TRIM54: variants seen among roughly 807,000 people sequenced by gnomAD.
The protein encoded by TRIM54 is tripartite motif containing 54.
In TRIM54, 40 loss-of-function variants were observed where a neutral mutation model predicts 42.0. The ratio of observed to expected loss-of-function variants is 0.95; its 90% confidence interval spans 0.74 to 1.24. The LOEUF is 1.24. TRIM54 is among the 50% of genes most tolerant of loss of function. The pLI is 0.00. For missense variants in TRIM54, 485 were observed against 480.3 expected (o/e 1.01, Z -0.09); for synonymous variants, 199 against 194.9 (o/e 1.02, Z -0.17).
At chr2:27,304,889 C>A in intron 3 of TRIM54, 70 bp from the exon 4 acceptor site, 1 of 1,443,218 alleles carries the variant, frequency 6.9e-7, no homozygotes, top group South Asian at 1.2e-5. Context: ...CCTAGGCAAC[C>A]CTGGCTGGGG....
chr2:27,283,774 ACACACGCGCG>A (rs1391892264), intron 1 of TRIM54, among the ~76,000 whole-genome samples: 61 of 87,322 alleles, frequency 7.0e-4, no homozygotes, highest in African/African-American at 3.7e-3. Context: ...GCACACACAC[ACACACGCGCG>A]CACACACACA....
rs1456415939 is a variant in TRIM54, at chr2:27,306,386, TG to T, written c.991+55del. 2.5e-6 allele frequency: 4 copies of T among 1,613,498 alleles called. No individual in the cohort carries two copies. Among genetic ancestry groups the T allele is most frequent in the Middle Eastern group, 1.6e-4 (1 of 6,062 alleles). On this transcript the variant is annotated intron_variant, in intron 7 of 8. Coordinates refer to ENST00000380075, the MANE Select transcript of TRIM54 (RefSeq NM_187841.3). This position sits in a 1 kb window ranked among gnomAD's most constrained non-coding sequence, Gnocchi z 6.1. ...CTGAGACGGGTTCGGACCCTCTGTG[TG>T]GGGGGTGCGGCGGGCACGATGGCCG...
intron 3 of TRIM54, among the ~76,000 whole-genome samples, chr2:27,300,423 T>C (rs1413423290): frequency 1.3e-5 from 2 of 152,076 alleles, no homozygotes; most frequent in African/African-American, 4.8e-5. Flanking sequence ...TCCACCCACC[T>C]TGGCCTCCCA....
intron 1 of TRIM54, among the ~76,000 whole-genome samples, chr2:27,294,000 C>T (rs922134477): frequency 6.6e-6 from 1 of 152,070 alleles, no homozygotes; most frequent in African/African-American, 2.4e-5. Flanking sequence ...TCCAGCCCGA[C>T]GACAGAGTGA....
At chr2:27,288,150 C>T (rs1678629209) in intron 1 of TRIM54, among the ~76,000 whole-genome samples, 1 of 152,196 alleles carries the variant, frequency 6.6e-6, no homozygotes, top group Non-Finnish European at 1.5e-5. Context: ...GGTCTTCTGC[C>T]CACCGTTTTC....
Position 27,298,571 on chromosome 2 carries a change from C to T in TRIM54, c.173C>T (p.Ser58Leu), listed in dbSNP as rs763358151. 1.5e-5 allele frequency: 24 copies of T among 1,613,042 alleles called. No individual in the cohort carries two copies. The highest frequency in any genetic ancestry group is 4.4e-5 in the South Asian group (4 of 91,002). The change falls in exon 2 of 9, where the codon TCG becomes TTG. Residue 58 changes from serine (S) to leucine (L), a missense_variant. Ser to Leu is a moderately radical substitution (Grantham distance 145). Transcript: ENST00000380075. ...TCAAGCCATCTGTCCCTGCAGGCCT[C>T]GAATCCTCTATGGCAGTCCCGGGGC... ...RKCANDVFQASNPLWQSRGST... is the reference protein window; with the variant it reads ...RKCANDVFQALNPLWQSRGST...
In TRIM54 at chr2:27,282,874, G is replaced by A. The variant is rs1357614802; in HGVS notation, c.143G>A (p.Arg48His). Residue 48 changes from arginine (R) to histidine (H), a missense_variant, in exon 1 of 9, where the codon CGC (arginine) becomes CAC (histidine). Physicochemically the swap from Arg to His is conservative, Grantham distance 29. Transcript: ENST00000380075. ...VILPCQHNLC[R>H]KCANDVFQAS... ...CTGCCCTGCCAACACAACCTGTGCC[G>A]CAAATGTGCCAACGACGTCTTCCAG... 5.0e-6 allele frequency: 8 copies of A among 1,612,972 alleles called. No individual in the cohort carries two copies. Among genetic ancestry groups the A allele is most frequent in the Admixed American group, 3.3e-5 (2 of 59,858 alleles).
intron 1 of TRIM54, among the ~76,000 whole-genome samples, chr2:27,293,287 C>T (rs1678769604): frequency 6.6e-6 from 1 of 152,126 alleles, no homozygotes; most frequent in African/African-American, 2.4e-5. Context: ...ATATAAGCTG[C>T]CTGGTTGGAT....
chr2:27,286,850 C>G (rs1374437453), intron 1 of TRIM54, among the ~76,000 whole-genome samples: 3 of 152,132 alleles, frequency 2.0e-5, no homozygotes, highest in Non-Finnish European at 4.4e-5. Context: ...TTGTTAGGAC[C>G]AGGTGTCATC....
chr2:27,298,761 C>T, intron 2 of TRIM54, 22 bp downstream of exon 2: 8 of 1,610,736 alleles, frequency 5.0e-6, no homozygotes, highest in Non-Finnish European at 6.8e-6. Context: ...GAGTCTCTTG[C>T]CTCTCTCATG....
At chr2:27,294,442 T>A (rs902728963) in intron 1 of TRIM54, among the ~76,000 whole-genome samples, 1 of 152,200 alleles carries the variant, frequency 6.6e-6, no homozygotes, top group Admixed American at 6.5e-5. Context: ...TTATTGTGTC[T>A]GACAATGGAA....
rs146448995 is a variant in TRIM54, at chr2:27,299,297, G to T, written c.394G>T (p.Glu132Ter). Reference protein sequence around the residue: ...QHLMCEEHEEEKINIYCLSCE... With the variant: ...QHLMCEEHEE ...CCTCATGTGCGAGGAGCATGAAGAAGAGAAGATCAATATTTACTGCCTGAG... is the reference window on the plus strand; with the variant it reads ...CCTCATGTGCGAGGAGCATGAAGAATAGAAGATCAATATTTACTGCCTGAG... The change falls in exon 3 of 9, where the codon GAG becomes TAG. Residue 132 changes from glutamate to a stop codon, truncating the protein, a stop_gained. Coordinates refer to ENST00000380075, the MANE Select transcript of TRIM54 (RefSeq NM_187841.3). LOFTEE classifies it high-confidence loss of function. 303 of 1,613,670 alleles carry T rather than the reference G, an allele frequency of 1.9e-4. No individual in the cohort carries two copies. Among genetic ancestry groups the T allele is most frequent in the Admixed American group, 6.5e-4 (39 of 60,000 alleles).
Position 27,303,760 on chromosome 2 carries a change from A to G in TRIM54, c.514-1199A>G, listed in dbSNP as rs554510257. 3.9e-5 allele frequency among the ~76,000 whole-genome samples: 6 copies of G among 152,322 alleles called. No individual in the cohort carries two copies. In the East Asian group the frequency reaches 1.2e-3, roughly 29 times the overall value. On this transcript the variant is annotated intron_variant, in intron 3 of 8. Coordinates refer to ENST00000380075, the MANE Select transcript of TRIM54 (RefSeq NM_187841.3). ...GAAGGTGCACAGAGAAACGTAATCC[A>G]TGAGTGAAGTCAGCAGAAACAAAAA... is the stretch of plus-strand genomic sequence containing the variant.
intron 1 of TRIM54, among the ~76,000 whole-genome samples, chr2:27,283,764 GCACACACACACACACGCGCGCACACA>G (rs1157289914): frequency 0.013 from 1,548 of 117,912 alleles, 35 homozygotes; most frequent in African/African-American, 0.049. Flanking sequence ...AGGGGCAAAG[GCACACACACACACACGCGCGCACACA>G]CACACACACA....
intron 1 of TRIM54, among the ~76,000 whole-genome samples, chr2:27,286,091 C>T (rs1678549458): frequency 6.6e-6 from 1 of 151,746 alleles, no homozygotes; most frequent in Non-Finnish European, 1.5e-5. Flanking sequence ...GTTAGTTGAA[C>T]AGTATTAAGG....
At position 27,290,123 on chromosome 2, in the gene TRIM54, C is replaced by T. The variant is rs1480790680; in HGVS notation, c.168+7224C>T. 5.3e-5 allele frequency among the ~76,000 whole-genome samples: 8 copies of T among 151,810 alleles called. No individual in the cohort carries two copies. In the South Asian group the frequency reaches 8.3e-4, roughly 16 times the overall value. On this transcript the variant is annotated intron_variant, in intron 1 of 8. Coordinates refer to ENST00000380075, the MANE Select transcript of TRIM54 (RefSeq NM_187841.3). Reference sequence around the variant, plus strand: ...CTGACCTCAAGTGATCCACCCACCTCGGCCTTCCAAAGTTCTAGAATTACA... The same window carrying T: ...CTGACCTCAAGTGATCCACCCACCTTGGCCTTCCAAAGTTCTAGAATTACA...
intron 1 of TRIM54, among the ~76,000 whole-genome samples, chr2:27,290,534 C>T (rs1368779172): frequency 6.6e-6 from 1 of 152,010 alleles, no homozygotes; most frequent in Admixed American, 6.6e-5. Flanking sequence ...GGCATGGTGG[C>T]GGGCGCCTAG....
At chr2:27,291,108 C>A (rs980645954) in intron 1 of TRIM54, among the ~76,000 whole-genome samples, 23 of 152,226 alleles carry the variant, frequency 1.5e-4, no homozygotes, top group African/African-American at 5.3e-4. Flanking sequence ...AATCCCAGAA[C>A]TTTGGGAGGC....
At position 27,305,639 on chromosome 2, in the gene TRIM54, C is replaced by CA. The variant is rs1216155108; in HGVS notation, c.666dup (p.Val223SerfsTer8). ...AACCAGAGGTTTGAGAGCCTGTGCG[C>CA]AGTGCTGGAGGAGCGCAAGGGTGAG... On this transcript the variant is annotated frameshift_variant, in exon 5 of 9. Transcript: ENST00000380075. LOFTEE classifies it high-confidence loss of function. The CA allele has an allele frequency of 1.2e-6, 2 of 1,613,654 alleles. No individual in the cohort carries two copies. The highest frequency in any genetic ancestry group is 2.7e-5 in the African/African-American group (2 of 74,942).
Sources: gnomAD v4.1 joint callset for allele counts (sites outside exome capture counted in the v4.1 genomes callset) on GRCh38, gnomAD v4.1.1 for gene constraint, Gnocchi (gnomAD v3.1) non-coding constraint, MANE v1.5 for transcripts, NCBI Gene and HGNC (gene_info 2026-07-23, HGNC 2026-07-21) for gene names.